ATP8A2: variants seen among roughly 807,000 people sequenced by gnomAD.
ATP8A2 encodes the protein ATPase phospholipid transporting 8A2.
In ATP8A2, 100 loss-of-function variants were observed where a neutral mutation model predicts 165.6. The observed-to-expected ratio is 0.60, with a 90% CI of 0.51 to 0.71. The LOEUF (loss-of-function observed/expected upper bound fraction) is 0.71. Ranked by LOEUF, ATP8A2 falls within the 30% of genes least tolerant of loss-of-function variation. The pLI, the probability that ATP8A2 is intolerant of heterozygous loss-of-function variation, is 0.00. For synonymous variants in ATP8A2, 543 were observed against 548.8 expected (o/e 0.99, Z 0.15); for missense variants, 1,227 against 1,479.5 (o/e 0.83, Z 2.80).
intron 24 of ATP8A2, among the ~76,000 whole-genome samples, chr13:25,642,384 G>GAA (rs1212949435): frequency 6.6e-6 from 1 of 152,028 alleles, no homozygotes; most frequent in Non-Finnish European, 1.5e-5. Flanking sequence ...AATCTACAAA[G>GAA]AACTCAAACA....
At chr13:25,518,839 C>T (rs1334476774) in intron 2 of ATP8A2, among the ~76,000 whole-genome samples, 3 of 152,082 alleles carry the variant, frequency 2.0e-5, no homozygotes, top group Admixed American at 1.3e-4. Flanking sequence ...TGGAGTGAAG[C>T]GTGTCCAACA....
intron 5 of ATP8A2, 134 bp from the exon 6 acceptor site, chr13:25,533,139 G>A (rs1359716953): frequency 3.1e-6 from 2 of 644,784 alleles, no homozygotes; most frequent in Non-Finnish European, 2.8e-6. Flanking sequence ...GGGTGCTGAT[G>A]TTATGCCATC....
At chr13:26,019,804 C>T (rs2139380963) in intron 36 of ATP8A2, 84 bp from the exon 37 acceptor site, 1 of 975,388 alleles carries the variant, frequency 1.0e-6, no homozygotes, top group East Asian at 2.4e-5. Flanking sequence ...CCGCACGCTG[C>T]CAAAAAAAAG....
chr13:25,532,615 C>T (rs2038150534), intron 5 of ATP8A2, among the ~76,000 whole-genome samples: 1 of 152,094 alleles, frequency 6.6e-6, no homozygotes, highest in Non-Finnish European at 1.5e-5. Context: ...TCTCTCCTTA[C>T]TTCCCTCTTC....
At chr13:25,491,910 A>G (rs917768922) in intron 2 of ATP8A2, among the ~76,000 whole-genome samples, 2 of 152,264 alleles carry the variant, frequency 1.3e-5, no homozygotes, top group Non-Finnish European at 2.9e-5. Context: ...AATGACATAA[A>G]TATTGTATCA....
chr13:25,556,673 A>G (rs1356675774), intron 13 of ATP8A2, among the ~76,000 whole-genome samples: 1 of 152,116 alleles, frequency 6.6e-6, no homozygotes, highest in Non-Finnish European at 1.5e-5. Flanking sequence ...GCCTTTTGCC[A>G]TTAAAGATTT....
chr13:25,976,683 G>C (rs1956047707), intron 35 of ATP8A2, among the ~76,000 whole-genome samples: 1 of 152,088 alleles, frequency 6.6e-6, no homozygotes, highest in Admixed American at 6.5e-5. Context: ...CTTGGACCAA[G>C]CAGAGAAATC....
chr13:25,940,931 T>C (rs1955051466), intron 33 of ATP8A2, among the ~76,000 whole-genome samples: 1 of 152,156 alleles, frequency 6.6e-6, no homozygotes, highest in African/African-American at 2.4e-5. Context: ...GCTGAGCTGA[T>C]TCACAGAGAG....
chr13:25,757,373 G>A (rs2044285451), intron 25 of ATP8A2, among the ~76,000 whole-genome samples: 1 of 152,186 alleles, frequency 6.6e-6, no homozygotes, highest in African/African-American at 2.4e-5. Flanking sequence ...CTGTGCCCTG[G>A]AAGCTGAGTC....
chr13:25,829,391 T>A (rs1951397987), intron 28 of ATP8A2, among the ~76,000 whole-genome samples: 1 of 151,984 alleles, frequency 6.6e-6, no homozygotes, highest in South Asian at 2.1e-4. Flanking sequence ...CTACTCTGAC[T>A]ACCTACCCAT....
chr13:25,513,846 A>G (rs1365797950), intron 2 of ATP8A2, among the ~76,000 whole-genome samples: 1 of 152,168 alleles, frequency 6.6e-6, no homozygotes, highest in African/African-American at 2.4e-5. Context: ...AATCGCAGGC[A>G]CTTGGCAGGC....
At position 25,968,693 on chromosome 13, in the gene ATP8A2, TC is replaced by T; in HGVS notation, c.3377+17del. ...CAATGGAAAGAGGTGGGGAACTCCGTCCCAGTCCGCACAGAACACAGGTGCT... is the reference window on the plus strand; with the variant it reads ...CAATGGAAAGAGGTGGGGAACTCCGTCCAGTCCGCACAGAACACAGGTGCT... On this transcript the variant is annotated intron_variant, in intron 35 of 36. Transcript: ENST00000381655. 6.2e-7 allele frequency: 1 copy of T among 1,600,864 alleles called. No individual in the cohort carries two copies. Among genetic ancestry groups the T allele is most frequent in the Non-Finnish European group, 8.5e-7 (1 of 1,169,914 alleles).
chr13:26,004,068 A>T (rs183790558), intron 35 of ATP8A2, among the ~76,000 whole-genome samples: 1 of 152,076 alleles, frequency 6.6e-6, no homozygotes, highest in African/African-American at 2.4e-5. Flanking sequence ...TGACATTGCC[A>T]TTTTGATAGG....
At chr13:25,634,077 A>C (rs1358344512) in intron 24 of ATP8A2, among the ~76,000 whole-genome samples, 1 of 152,226 alleles carries the variant, frequency 6.6e-6, no homozygotes, top group Non-Finnish European at 1.5e-5. Flanking sequence ...AGAGACAAAC[A>C]AACTTTAATG....
intron 24 of ATP8A2, among the ~76,000 whole-genome samples, chr13:25,622,093 C>A (rs1406624617): frequency 6.6e-6 from 1 of 151,766 alleles, no homozygotes; most frequent in Non-Finnish European, 1.5e-5. Context: ...GTAATCCCAG[C>A]TACTTGGGAG....
chr13:25,963,997 A>G lies in ATP8A2; in HGVS notation c.3272+2334A>G, dbSNP rs1046209413. ...AGGAGCTTGCCAACTGGGTCAGAGC[A>G]TAAACCCGGGCTCTGCAGTGGAGGT... On this transcript the variant is annotated intron_variant, in intron 34 of 36. Coordinates refer to ENST00000381655, the MANE Select transcript of ATP8A2 (RefSeq NM_016529.6). Among the ~76,000 whole-genome samples, 7 of 152,370 alleles carry G rather than the reference A, an allele frequency of 4.6e-5. No individual in the cohort carries two copies. In the South Asian group the frequency reaches 1.0e-3, roughly 23 times the overall value.
chr13:25,859,933 A>C (rs1320251374), intron 30 of ATP8A2, among the ~76,000 whole-genome samples: 1 of 152,172 alleles, frequency 6.6e-6, no homozygotes, highest in African/African-American at 2.4e-5. Context: ...TAATGTTTAC[A>C]AAAATGTAAA....
chr13:25,502,577 A>G (rs1448818199), intron 2 of ATP8A2, among the ~76,000 whole-genome samples: 1 of 152,234 alleles, frequency 6.6e-6, no homozygotes, highest in Non-Finnish European at 1.5e-5. Flanking sequence ...TGGGTGATAC[A>G]GGGCAAGTTA....
At chr13:25,980,088 G>C (rs1956145707) in intron 35 of ATP8A2, among the ~76,000 whole-genome samples, 1 of 152,168 alleles carries the variant, frequency 6.6e-6, no homozygotes, top group South Asian at 2.1e-4. Context: ...GAAGAAAAGG[G>C]GGTAATTTAT....
Sources: gnomAD v4.1 joint callset for allele counts (sites outside exome capture counted in the v4.1 genomes callset) on GRCh38, gnomAD v4.1.1 for gene constraint, MANE v1.5 for transcripts, NCBI Gene and HGNC (gene_info 2026-07-23, HGNC 2026-07-21) for gene names.